LY6E: variants seen among roughly 807,000 people sequenced by gnomAD.
LY6E encodes lymphocyte antigen 6E.
LY6E carries 4 observed loss-of-function variants against 7.7 expected under a neutral mutation model. That is an observed-to-expected ratio of 0.52 (90% CI 0.25 to 1.18). The LOEUF (loss-of-function observed/expected upper bound fraction) is 1.18. LY6E is among the 50% of genes most tolerant of loss of function. The pLI, the probability that LY6E is intolerant of heterozygous loss-of-function variation, is 0.14. For synonymous variants in LY6E, 81 were observed against 80.1 expected (o/e 1.01, Z -0.06); for missense variants, 156 against 168.0 (o/e 0.93, Z 0.40).
chr8:143,021,542 C>A, intron 3 of LY6E, 24 bp from the exon 4 acceptor site: 1 of 1,613,384 alleles, frequency 6.2e-7, no homozygotes. Flanking sequence ...TGTCTCTCCC[C>A]TGACAGCCTC....
chr8:143,022,111 CAGT>C lies in LY6E; in HGVS notation c.*325_*327del. ...GACAGGGTCCCCAGGGAGACCGTGT[CAGT>C]AGGGATGTGTGCCTGGCTGTGTACG... On this transcript the variant is annotated 3_prime_UTR_variant, in exon 4 of 4. Coordinates refer to ENST00000292494, the MANE Select transcript of LY6E (RefSeq NM_002346.3). 2.1e-6 allele frequency: 1 copy of C among 482,970 alleles called. No homozygotes were observed. Among genetic ancestry groups the C allele is most frequent in the East Asian group, 3.4e-5 (1 of 29,062 alleles). The allele number at this position is 482,970 out of a possible 1,614,324, so 29.9% of individuals were successfully genotyped here.
chr8:143,018,628 C>T (rs1314212433), intron 1 of LY6E, 42 bp downstream of exon 1: 6 of 150,008 alleles, frequency 4.0e-5, no homozygotes, highest in African/African-American at 1.2e-4. Flanking sequence ...CCGCCACCTG[C>T]GCGCACGCGC....
In LY6E at chr8:143,022,353, C is replaced by G. The variant is rs1325307225; in HGVS notation, c.*564C>G. 1 of 156,874 alleles carries G rather than the reference C, an allele frequency of 6.4e-6. No homozygotes were observed. The highest frequency in any genetic ancestry group is 1.4e-5 in the Non-Finnish European group (1 of 71,340). The allele number at this position is 156,874 out of a possible 1,614,324, so 9.7% of individuals were successfully genotyped here. ...CCAGCCAGTCCTGCCCCAGCCCACC[C>G]CCACATTGGAGCCCTCCTGCTGCTT... On this transcript the variant is annotated 3_prime_UTR_variant, in exon 4 of 4. Coordinates refer to ENST00000292494, the MANE Select transcript of LY6E (RefSeq NM_002346.3).
Position 143,021,581 on chromosome 8 carries a change from T to C in LY6E, c.188T>C (p.Phe63Ser). The change falls in exon 4 of 4, where the codon TTT becomes TCT. Residue 63 changes from phenylalanine to serine, a missense_variant. Coordinates refer to ENST00000292494, the MANE Select transcript of LY6E (RefSeq NM_002346.3). ...ASAGIGNLVT[F>S]GHSLSKTCSP... Reference sequence around the variant, plus strand: ...TCCCATGCAGGGAATCTCGTGACATTTGGCCACAGCCTGAGCAAGACCTGT... The same window carrying C: ...TCCCATGCAGGGAATCTCGTGACATCTGGCCACAGCCTGAGCAAGACCTGT... The C allele has an allele frequency of 2.5e-6, 4 of 1,613,974 alleles. No individual in the cohort carries two copies. Among genetic ancestry groups the C allele is most frequent in the Non-Finnish European group, 3.4e-6 (4 of 1,180,018 alleles).
chr8:143,021,164 G>A, intron 2 of LY6E, 150 bp from the exon 3 acceptor site: 2 of 1,265,294 alleles, frequency 1.6e-6, no homozygotes, highest in South Asian at 2.8e-5. Flanking sequence ...CGCTTGACCT[G>A]CTCGACGGCC....
chr8:143,021,406 G>T lies in LY6E; in HGVS notation c.145G>T (p.Val49Leu). The T allele has an allele frequency of 6.2e-7, 1 of 1,614,006 alleles. No individual in the cohort carries two copies. Among genetic ancestry groups the T allele is most frequent in the Non-Finnish European group, 8.5e-7 (1 of 1,180,040 alleles). The change falls in exon 3 of 4, where the codon GTG becomes TTG. Residue 49 changes from valine to leucine, a missense_variant. Physicochemically the swap from Val to Leu is conservative, Grantham distance 32 (BLOSUM62 1). Coordinates refer to ENST00000292494, the MANE Select transcript of LY6E (RefSeq NM_002346.3). ...TICSDQDNYC[V>L]TVSASAGIGN... ...CTGCTCCGACCAGGACAACTACTGC[G>T]TGACTGTGTCTGCTAGTGCCGGCAT...
chr8:143,020,890 C>A lies in LY6E; in HGVS notation c.-50C>A. Reference sequence around the variant, plus strand: ...ACCAGTGTGTCTCTCCAGAGCAGGACAGGCTGCTTTGGTTTGTGACCTCCA... The same window carrying A: ...ACCAGTGTGTCTCTCCAGAGCAGGAAAGGCTGCTTTGGTTTGTGACCTCCA... On this transcript the variant is annotated 5_prime_UTR_variant, in exon 2 of 4. Coordinates refer to ENST00000292494, the MANE Select transcript of LY6E (RefSeq NM_002346.3). 6.4e-7 allele frequency: 1 copy of A among 1,571,900 alleles called. No individual in the cohort carries two copies. The highest frequency in any genetic ancestry group is 8.7e-7 in the Non-Finnish European group (1 of 1,143,978).
chr8:143,020,713 A>G, intron 1 of LY6E, among the ~76,000 whole-genome samples, 170 bp from the exon 2 acceptor site: 1 of 152,198 alleles, frequency 6.6e-6, no homozygotes, highest in East Asian at 1.9e-4. Flanking sequence ...GATAGCCTAG[A>G]GCATGTCTGC....
intron 1 of LY6E, among the ~76,000 whole-genome samples, chr8:143,019,474 T>C (rs1315039469): frequency 6.6e-6 from 1 of 152,166 alleles, no homozygotes; most frequent in African/African-American, 2.4e-5. Flanking sequence ...ATGCTAGGAC[T>C]TCCTCAGAGA....
chr8:143,021,045 C>A, intron 2 of LY6E, 54 bp downstream of exon 2: 1 of 1,572,672 alleles, frequency 6.4e-7, no homozygotes, highest in Non-Finnish European at 8.7e-7. Flanking sequence ...CTGCTCCACT[C>A]CCTCTCCACC....
chr8:143,018,725 G>A (rs1312723272), intron 1 of LY6E, 139 bp downstream of exon 1: 1 of 152,082 alleles, frequency 6.6e-6, no homozygotes, highest in Non-Finnish European at 1.5e-5. Context: ...CGGGGCGGGA[G>A]AGGGTGGGAG....
rs1819231642 is a variant in LY6E at position 143,021,731 on chromosome 8, T to C, written c.338T>C (p.Leu113Pro). 6.2e-7 allele frequency: 1 copy of C among 1,612,902 alleles called. No homozygotes were observed. Among genetic ancestry groups the C allele is most frequent in the Non-Finnish European group, 8.5e-7 (1 of 1,179,960 alleles). ...ADGGLRASVT[L>P]LGAGLLLSLL... ...GGCGGGCTGCGGGCAAGCGTCACCC[T>C]GCTGGGTGCCGGGCTGCTGCTGAGC... is the stretch of plus-strand genomic sequence containing the variant. The change falls in exon 4 of 4, where the codon CTG (leucine) becomes CCG (proline). Residue 113 changes from leucine (L) to proline (P), a missense_variant. By Grantham distance (98) the Leu-to-Pro change is moderately conservative (BLOSUM62 -3). Transcript: ENST00000292494.
chr8:143,020,001 C>T (rs999315620), intron 1 of LY6E, among the ~76,000 whole-genome samples: 8 of 152,192 alleles, frequency 5.3e-5, no homozygotes, highest in African/African-American at 7.2e-5. Flanking sequence ...CCTTGTCTCT[C>T]GGAGCCCATT....
chr8:143,021,166 T>C (rs1819210122), intron 2 of LY6E, 148 bp from the exon 3 acceptor site: 1 of 1,271,146 alleles, frequency 7.9e-7, no homozygotes, highest in African/African-American at 1.5e-5. Flanking sequence ...CTTGACCTGC[T>C]CGACGGCCAG....
chr8:143,021,539 C>T (rs776267065), intron 3 of LY6E, 27 bp from the exon 4 acceptor site: 10 of 1,613,026 alleles, frequency 6.2e-6, no homozygotes, highest in African/African-American at 1.3e-5. Flanking sequence ...GTCTGTCTCT[C>T]CCCTGACAGC....
chr8:143,019,748 G>T (rs1158110174), intron 1 of LY6E, among the ~76,000 whole-genome samples: 1 of 152,158 alleles, frequency 6.6e-6, no homozygotes, highest in Non-Finnish European at 1.5e-5. Flanking sequence ...CTTACCCCCA[G>T]TGCCCAGCAC....
Position 143,022,353 on chromosome 8 carries a change from C to T in LY6E, c.*564C>T. ...CCAGCCAGTCCTGCCCCAGCCCACC[C>T]CCACATTGGAGCCCTCCTGCTGCTT... On this transcript the variant is annotated 3_prime_UTR_variant, in exon 4 of 4. Coordinates refer to ENST00000292494, the MANE Select transcript of LY6E (RefSeq NM_002346.3). 2 of 156,992 alleles carry T rather than the reference C, an allele frequency of 1.3e-5. No individual in the cohort carries two copies. Among genetic ancestry groups the T allele is most frequent in the Non-Finnish European group, 2.8e-5 (2 of 71,332 alleles). 9.7% of individuals were successfully genotyped at this position (156,992 alleles called of 1,614,324 possible).
rs758968489 is a variant in LY6E, at chr8:143,021,549, C to T, written c.173-17C>T. 8 of 1,613,240 alleles carry T rather than the reference C, an allele frequency of 5.0e-6. No homozygotes were observed. Among genetic ancestry groups the T allele is most frequent in the African/African-American group, 4.0e-5 (3 of 74,916 alleles). ...CAGCCGTCTGTCTCTCCCCTGACAG[C>T]CTCATTTCCCATGCAGGGAATCTCG... On this transcript the variant is annotated splice_polypyrimidine_tract_variant and intron_variant, in intron 3 of 3. Coordinates refer to ENST00000292494, the MANE Select transcript of LY6E (RefSeq NM_002346.3).
chr8:143,021,180 G>A, intron 2 of LY6E, 134 bp from the exon 3 acceptor site: 1 of 1,322,342 alleles, frequency 7.6e-7, no homozygotes, highest in East Asian at 2.4e-5. Context: ...CGGCCAGGGT[G>A]GGGTGTCACT....
Sources: allele counts gnomAD v4.1 joint callset (sites outside exome capture counted in the v4.1 genomes callset), GRCh38; gene constraint gnomAD v4.1.1; transcripts MANE v1.5; gene names NCBI Gene and HGNC (gene_info 2026-07-23, HGNC 2026-07-21).